Variants in TIMD4 observed in about 807,000 individuals in gnomAD.
The protein encoded by TIMD4 is T cell immunoglobulin and mucin domain containing 4, also known as T-cell immunoglobulin and mucin domain-containing protein 4.
TIMD4 carries 31 observed loss-of-function variants against 41.2 expected under a neutral mutation model. The ratio of observed to expected loss-of-function variants is 0.75; its 90% CI spans 0.57 to 1.01. The LOEUF (loss-of-function observed/expected upper bound fraction) is 1.01, where lower values mean the gene tolerates loss of function less well. Ranked by LOEUF, TIMD4 falls within the 50% of genes least tolerant of loss-of-function variation. The pLI is 0.00. For missense variants in TIMD4, 479 were observed against 472.5 expected (o/e 1.01, Z -0.13); for synonymous variants, 204 against 177.1 (o/e 1.15, Z -1.21).
At chr5:156,958,894 T>C (rs75392810) in intron 1 of TIMD4, among the ~76,000 whole-genome samples, 8,593 of 152,200 alleles carry the variant, frequency 0.056, 337 homozygotes, top group Non-Finnish European at 0.087. Context: ...ACAGGAAGAC[T>C]CCAAGCCATT....
chr5:156,945,226 G>A (rs573529066), intron 5 of TIMD4, among the ~76,000 whole-genome samples: 3 of 152,280 alleles, frequency 2.0e-5, no homozygotes, highest in African/African-American at 4.8e-5. Flanking sequence ...TTGAAAAGAC[G>A]TGGTTAAATC....
chr5:156,923,270 T>A (rs564683202), intron 6 of TIMD4, among the ~76,000 whole-genome samples: 1 of 149,730 alleles, frequency 6.7e-6, no homozygotes, highest in East Asian at 2.1e-4. Flanking sequence ...TGCCTCAACC[T>A]CCCACGTAGC....
rs1413171704 is a variant in TIMD4 at position 156,951,421 on chromosome 5, C to T, written c.679+91G>A. 10 of 1,508,238 alleles carry T rather than the reference C, an allele frequency of 6.6e-6. No individual in the cohort carries two copies. The East Asian group carries it at 1.1e-4, about 17-fold the overall frequency. 93.4% of individuals were successfully genotyped at this position (1,508,238 alleles called of 1,614,324 possible). ...ATATACGCATGTGTACACGCACACA[C>T]TCACACACACACTGAGAGAGAGCAA... On this transcript the variant is annotated intron_variant, in intron 3 of 8. Coordinates refer to ENST00000274532, the MANE Select transcript of TIMD4 (RefSeq NM_138379.3).
intron 3 of TIMD4, 110 bp downstream of exon 3, chr5:156,951,402 G>A (rs981041231): frequency 1.2e-5 from 16 of 1,340,336 alleles, no homozygotes; most frequent in Admixed American, 1.1e-4. Context: ...ACTAATATAC[G>A]CATGTGTACA....
intron 7 of TIMD4, among the ~76,000 whole-genome samples, 167 bp from the exon 8 acceptor site, chr5:156,920,670 T>C (rs1394333855): frequency 6.6e-6 from 1 of 152,220 alleles, no homozygotes; most frequent in East Asian, 1.9e-4. Context: ...GGTCAAACAC[T>C]TGCTATTTTA....
intron 6 of TIMD4, among the ~76,000 whole-genome samples, chr5:156,923,094 C>T (rs1218081186): frequency 2.0e-5 from 3 of 150,194 alleles, no homozygotes; most frequent in Non-Finnish European, 4.4e-5. Context: ...GATGGTGTCT[C>T]GCTATGTTGC....
intron 5 of TIMD4, among the ~76,000 whole-genome samples, chr5:156,930,577 G>A (rs112933821): frequency 8.5e-5 from 13 of 152,298 alleles, no homozygotes; most frequent in South Asian, 2.1e-4. Flanking sequence ...AAGAGGGCTC[G>A]GTACTCACCA....
chr5:156,923,142 AATTTTTT>A (rs1407819539), intron 6 of TIMD4, among the ~76,000 whole-genome samples: 1 of 137,238 alleles, frequency 7.3e-6, no homozygotes, highest in African/African-American at 3.0e-5. Flanking sequence ...GCTGGGATTA[AATTTTTT>A]TTTTTTTTTT....
At chr5:156,925,881 C>T (rs765815052) in intron 6 of TIMD4, among the ~76,000 whole-genome samples, 35 of 152,026 alleles carry the variant, frequency 2.3e-4, no homozygotes, top group Admixed American at 1.5e-3. Flanking sequence ...CAAACCTCTG[C>T]GGATTTTTTG....
intron 5 of TIMD4, among the ~76,000 whole-genome samples, chr5:156,943,922 T>C (rs1183945286): frequency 2.7e-5 from 4 of 147,780 alleles, no homozygotes; most frequent in Non-Finnish European, 4.5e-5. Context: ...TAGCCAGGTG[T>C]GGTGGTGGGT....
At chr5:156,933,840 G>A (rs1759490499) in intron 5 of TIMD4, among the ~76,000 whole-genome samples, 2 of 152,200 alleles carry the variant, frequency 1.3e-5, no homozygotes, top group Non-Finnish European at 2.9e-5. Flanking sequence ...GATTATAGGT[G>A]TGAGCCACCG....
chr5:156,956,101 C>T (rs1759965026), intron 1 of TIMD4, among the ~76,000 whole-genome samples: 1 of 152,100 alleles, frequency 6.6e-6, no homozygotes, highest in Admixed American at 6.5e-5. Flanking sequence ...AACTTTGTAC[C>T]TTTTAATCAA....
chr5:156,933,278 A>T (rs1007919589), intron 5 of TIMD4, among the ~76,000 whole-genome samples: 1 of 152,120 alleles, frequency 6.6e-6, no homozygotes, highest in Non-Finnish European at 1.5e-5. Context: ...GCACTTTGGG[A>T]GGCCAAGGTG....
In TIMD4 at chr5:156,954,484, AG is replaced by A. The variant is rs1472522881; in HGVS notation, c.330del (p.Cys111AlafsTer4). 6.2e-7 allele frequency: 1 copy of A among 1,614,138 alleles called. No individual in the cohort carries two copies. Among genetic ancestry groups the A allele is most frequent in the African/African-American group, 1.3e-5 (1 of 74,948 alleles). ...CAGCCAGGCACTTCTATGCGGCAGC[AG>A]TACACACCGCTGTCACTTTCACTGG... is the stretch of plus-strand genomic sequence containing the variant. ...LNPSESDSGV[Y>X]CCRIEVPGWF... On this transcript the variant is annotated frameshift_variant, in exon 2 of 9. Coordinates refer to ENST00000274532, the MANE Select transcript of TIMD4 (RefSeq NM_138379.3). LOFTEE classifies it high-confidence loss of function.
intron 5 of TIMD4, among the ~76,000 whole-genome samples, chr5:156,936,787 C>T (rs1759547527): frequency 1.3e-5 from 2 of 151,620 alleles, no homozygotes; most frequent in Admixed American, 1.3e-4. Context: ...AAAAAATTAG[C>T]CAGGCATGAT....
At chr5:156,920,666 A>G (rs1371072032) in intron 7 of TIMD4, among the ~76,000 whole-genome samples, 163 bp from the exon 8 acceptor site, 1 of 152,188 alleles carries the variant, frequency 6.6e-6, no homozygotes, top group African/African-American at 2.4e-5. Context: ...CCCAGGTCAA[A>G]CACTTGCTAT....
chr5:156,961,159 G>A (rs951120348), intron 1 of TIMD4, among the ~76,000 whole-genome samples: 2 of 152,210 alleles, frequency 1.3e-5, no homozygotes, highest in East Asian at 1.9e-4. Flanking sequence ...CTGGGGAAAT[G>A]CAAATCCAAA....
chr5:156,961,568 C>T (rs972379772), intron 1 of TIMD4, among the ~76,000 whole-genome samples: 7 of 151,598 alleles, frequency 4.6e-5, no homozygotes, highest in South Asian at 2.1e-4. Flanking sequence ...TTTGGGAGGC[C>T]GAGGTGAGTG....
At position 156,951,615 on chromosome 5, in the gene TIMD4, T is replaced by G; in HGVS notation, c.576A>C (p.Thr192=). The change falls in exon 3 of 9, where the codon ACA becomes ACC. Residue 192 remains threonine, a synonymous_variant. Transcript: ENST00000274532. ...PLQMTTIAVF[T]TANTCLSLTP... The stretch of plus-strand genomic sequence containing the variant: ...TTAGTGAAAGGCACGTGTTTGCTGT[T>G]GTGAAGACGGCAATGGTTGTCATCT... The G allele has an allele frequency of 6.2e-7, 1 of 1,614,140 alleles. No individual in the cohort carries two copies. The highest frequency in any genetic ancestry group is 8.5e-7 in the Non-Finnish European group (1 of 1,180,026).
Sources: allele counts gnomAD v4.1 joint callset (sites outside exome capture counted in the v4.1 genomes callset), GRCh38; gene constraint gnomAD v4.1.1; transcripts MANE v1.5; gene names NCBI Gene and HGNC (gene_info 2026-07-23, HGNC 2026-07-21).